PLPP4: variants seen among roughly 807,000 people sequenced by gnomAD.
PLPP4 encodes the protein diacylglycerol pyrophosphate like 2.
PLPP4 carries 20 observed loss-of-function variants against 32.2 expected under a neutral mutation model. The observed-to-expected ratio is 0.62, with a 90% CI of 0.44 to 0.90. The LOEUF is 0.90. PLPP4 is among the 40% of genes least tolerant of loss of function. The pLI is 0.00. For synonymous variants in PLPP4, 127 were observed against 133.0 expected (o/e 0.95, Z 0.31); for missense variants, 257 against 353.1 (o/e 0.73, Z 2.18).
intron 5 of PLPP4, among the ~76,000 whole-genome samples, chr10:120,563,066 C>T (rs1400960925): frequency 6.6e-6 from 1 of 152,068 alleles, no homozygotes; most frequent in Non-Finnish European, 1.5e-5. Context: ...TGGAGAAACC[C>T]CACTTCTACT....
chr10:120,521,200 C>T (rs1173047492), intron 5 of PLPP4, 105 bp downstream of exon 5: 10 of 1,376,468 alleles, frequency 7.3e-6, no homozygotes, highest in Admixed American at 2.4e-5. Context: ...GAATGTTAAG[C>T]GCAGTTCATT....
At chr10:120,459,234 G>A (rs1403338534) in intron 1 of PLPP4, among the ~76,000 whole-genome samples, 1 of 152,192 alleles carries the variant, frequency 6.6e-6, no homozygotes, top group Non-Finnish European at 1.5e-5. Context: ...CTTAATAGGG[G>A]ATCTGTTGTC....
chr10:120,523,563 G>A (rs530170839), intron 5 of PLPP4, among the ~76,000 whole-genome samples: 31 of 152,082 alleles, frequency 2.0e-4, no homozygotes, highest in Non-Finnish European at 3.7e-4. Flanking sequence ...ATTCACCTGG[G>A]ATCAGCTCCC....
chr10:120,485,042 G>C (rs1844381751), intron 1 of PLPP4, among the ~76,000 whole-genome samples: 1 of 152,218 alleles, frequency 6.6e-6, no homozygotes, highest in Non-Finnish European at 1.5e-5. Flanking sequence ...TGCTGGAAAA[G>C]GCAAGGAAGT....
intron 1 of PLPP4, among the ~76,000 whole-genome samples, chr10:120,478,694 C>A (rs1456849602): frequency 6.6e-6 from 1 of 152,146 alleles, no homozygotes; most frequent in Non-Finnish European, 1.5e-5. Flanking sequence ...TGCCTTTTTC[C>A]CTTGGTTTTA....
intron 2 of PLPP4, among the ~76,000 whole-genome samples, chr10:120,511,774 A>G (rs557211246): frequency 2.6e-5 from 4 of 152,338 alleles, no homozygotes; most frequent in Admixed American, 1.3e-4. Flanking sequence ...CATCAGCATC[A>G]GTACCATTTG....
At chr10:120,578,750 T>G (rs1022547285) in intron 6 of PLPP4, among the ~76,000 whole-genome samples, 5 of 152,198 alleles carry the variant, frequency 3.3e-5, no homozygotes, top group Non-Finnish European at 7.3e-5. Context: ...CATGAAACAT[T>G]TAGCAGAACT....
intron 5 of PLPP4, among the ~76,000 whole-genome samples, chr10:120,540,961 T>C (rs2133960837): frequency 6.6e-6 from 1 of 152,344 alleles, no homozygotes; most frequent in Middle Eastern, 3.4e-3. Context: ...ATGTAGAGCA[T>C]TTTAACTTTA....
chr10:120,507,266 A>G (rs1480839843), intron 2 of PLPP4, among the ~76,000 whole-genome samples: 2 of 152,112 alleles, frequency 1.3e-5, no homozygotes, highest in Admixed American at 6.5e-5. Context: ...TCCCTGGTAC[A>G]TTAGGATGGT....
chr10:120,585,795 C>T (rs1849724744), intron 6 of PLPP4, among the ~76,000 whole-genome samples: 1 of 152,130 alleles, frequency 6.6e-6, no homozygotes, highest in African/African-American at 2.4e-5. Flanking sequence ...GCCAACAGTT[C>T]TTCTCTTGGG....
intron 1 of PLPP4, among the ~76,000 whole-genome samples, chr10:120,485,463 T>G (rs1283503601): frequency 5.9e-5 from 9 of 152,178 alleles, no homozygotes; most frequent in Non-Finnish European, 1.5e-5. Flanking sequence ...CAGACCTACT[T>G]CCAGCCCAGG....
At chr10:120,510,017 C>T (rs142987601) in intron 2 of PLPP4, among the ~76,000 whole-genome samples, 2 of 152,322 alleles carry the variant, frequency 1.3e-5, no homozygotes, top group Admixed American at 6.5e-5. Flanking sequence ...TGACTTCCAG[C>T]AGGTTGCTGA....
intron 5 of PLPP4, among the ~76,000 whole-genome samples, chr10:120,552,537 C>CT (rs1198509476): frequency 6.6e-6 from 1 of 152,162 alleles, no homozygotes; most frequent in Admixed American, 6.5e-5. Context: ...GTCTCCAGAA[C>CT]TTTATTTGAA....
intron 5 of PLPP4, among the ~76,000 whole-genome samples, chr10:120,545,984 G>T (rs1280543023): frequency 6.6e-6 from 1 of 152,160 alleles, no homozygotes; most frequent in Non-Finnish European, 1.5e-5. Flanking sequence ...TGTGCTAGAT[G>T]CTTCCTGCCC....
intron 5 of PLPP4, among the ~76,000 whole-genome samples, chr10:120,559,033 T>C (rs1159173839): frequency 6.6e-6 from 1 of 152,176 alleles, no homozygotes; most frequent in Non-Finnish European, 1.5e-5. Context: ...CAGAATTTAG[T>C]TTTTGCTTGT....
At chr10:120,568,348 T>C (rs1424027137) in intron 5 of PLPP4, among the ~76,000 whole-genome samples, 1 of 152,214 alleles carries the variant, frequency 6.6e-6, no homozygotes, top group Non-Finnish European at 1.5e-5. Context: ...TAGCAAACCC[T>C]GAGACAGGTT....
chr10:120,458,206 A>T (rs1847880604), intron 1 of PLPP4, among the ~76,000 whole-genome samples: 1 of 152,138 alleles, frequency 6.6e-6, no homozygotes, highest in Admixed American at 6.5e-5. Flanking sequence ...ACCAGCTCAG[A>T]GCCACCCCGC....
intron 5 of PLPP4, among the ~76,000 whole-genome samples, chr10:120,532,530 G>T (rs1846789743): frequency 6.6e-6 from 1 of 151,954 alleles, no homozygotes. Flanking sequence ...ATTGTCTATT[G>T]TATATTCACA....
At chr10:120,587,472 TAATAA>T (rs1414089484) in intron 6 of PLPP4, 2 of 152,222 alleles carry the variant, frequency 1.3e-5, no homozygotes, top group African/African-American at 4.8e-5. Context: ...TATTGTGGAT[TAATAA>T]AATTACATGC....
Sources: allele counts gnomAD v4.1 joint callset (sites outside exome capture counted in the v4.1 genomes callset), GRCh38; gene constraint gnomAD v4.1.1; transcripts MANE v1.5; gene names NCBI Gene and HGNC (gene_info 2026-07-23, HGNC 2026-07-21).